TEX29: variants seen among roughly 807,000 people sequenced by gnomAD.
TEX29 encodes the protein testis expressed 29.
Under a neutral mutation model 18.2 loss-of-function variants are expected in TEX29, and 26 were observed. The ratio of observed to expected loss-of-function variants is 1.43; its 90% confidence interval spans 1.04 to 1.98. TEX29 has a LOEUF of 1.98. TEX29 is among the 30% of genes most tolerant of loss of function. The pLI is 0.00. For missense variants in TEX29, 177 were observed against 194.2 expected, an observed-to-expected ratio of 0.91 and a Z score of 0.53; for synonymous variants, 83 against 78.5, an observed-to-expected ratio of 1.06 and a Z score of -0.31.
chr13:111,342,971 G>A (rs1318072951), intron 5 of TEX29, 40 bp downstream of exon 5: 7 of 1,602,832 alleles, frequency 4.4e-6, no homozygotes, highest in Non-Finnish European at 4.3e-6. Flanking sequence ...TAAGGTCAAG[G>A]GCGTGGCTCT....
chr13:111,316,440 T>G (rs2093654860), upstream of TEX29, among the ~76,000 whole-genome samples: 2 of 152,238 alleles, frequency 1.3e-5, no homozygotes. Context: ...AGGAGTTCTG[T>G]GCACTGTGGG....
In TEX29 at chr13:111,323,516, C is replaced by T. The variant is rs567792798; in HGVS notation, c.58+2568C>T. 3.3e-5 allele frequency among the ~76,000 whole-genome samples: 5 copies of T among 152,344 alleles called. No individual in the cohort carries two copies. In the South Asian group the frequency reaches 8.3e-4, roughly 25 times the overall value. On this transcript the variant is annotated intron_variant, in intron 2 of 5. Coordinates refer to ENST00000283547, the MANE Select transcript of TEX29 (RefSeq NM_152324.3). ...TTAAACTGTGACACACTTTCCACAC[C>T]GGTGTGAGTTCTTCTCTGAGTGGCT...
At position 111,342,872 on chromosome 13, in the gene TEX29, C is replaced by T. The variant is rs147238221; in HGVS notation, c.356C>T (p.Ala119Val). ...AGCAGCAAGTTAGGGCTGAAGCCTG[C>T]GAGTCCTGGGCCTCCAAGTGCTGGG... ...SSSSKLGLKP[A>V]SPGPPSAGPS... Residue 119 changes from alanine to valine, a missense_variant, in exon 5 of 6, where the codon GCG (alanine) becomes GTG (valine). Ala to Val is a moderately conservative substitution (Grantham distance 64, BLOSUM62 0). Transcript: ENST00000283547. 1.1e-3 allele frequency: 1,741 copies of T among 1,614,170 alleles called. 13 individuals carry two copies. The Admixed American group carries it at 0.022, about 20-fold the overall frequency.
intron 3 of TEX29, among the ~76,000 whole-genome samples, chr13:111,329,341 A>C (rs2093679165): frequency 6.6e-6 from 1 of 151,330 alleles, no homozygotes; most frequent in Non-Finnish European, 1.5e-5. Flanking sequence ...GTCCTAAGCC[A>C]CTCTTTTCTC....
chr13:111,320,112 C>T (rs1410807374), upstream of TEX29, among the ~76,000 whole-genome samples: 5 of 152,350 alleles, frequency 3.3e-5, no homozygotes, highest in Non-Finnish European at 1.5e-5. Flanking sequence ...CCCTCGTCAG[C>T]CCCAGACACA....
At chr13:111,326,859 T>G (rs1363480285) in intron 2 of TEX29, among the ~76,000 whole-genome samples, 1 of 152,116 alleles carries the variant, frequency 6.6e-6, no homozygotes, top group East Asian at 1.9e-4. Flanking sequence ...CACCCTGGAA[T>G]TGCACTCCAG....
chr13:111,342,177 C>T (rs555498553), intron 4 of TEX29, among the ~76,000 whole-genome samples: 3 of 152,356 alleles, frequency 2.0e-5, no homozygotes, highest in East Asian at 1.9e-4. Context: ...CATGAGCCCA[C>T]TCTGTGTGCA....
At position 111,343,161 on chromosome 13, in the gene TEX29, C is replaced by A. The variant is rs1477243586; in HGVS notation, c.415+230C>A. Among the ~76,000 whole-genome samples the A allele has an allele frequency of 2.0e-5, 3 of 152,360 alleles. No individual in the cohort carries two copies. In the East Asian group the frequency reaches 5.8e-4, roughly 29 times the overall value. On this transcript the variant is annotated intron_variant, in intron 5 of 5. Transcript: ENST00000283547. ...TTCTGTGAGTCTTGTCCTCCCCCTT[C>A]CCATCCCCTTTTGCCTCCCTGTCAT...
chr13:111,320,939 C>T lies in TEX29; in HGVS notation c.49C>T (p.Gln17Ter), dbSNP rs2093663191. ...VKNSPRHLLK[Q>*]FTVCDVPLYD... ...GAACTCTCCGCGGCACCTCCTGAAG[C>T]AATTCACAGGTATGGAGGGAAGGCG... Residue 17 changes from glutamine to a stop codon, truncating the protein, a stop_gained, in exon 2 of 6, where the codon CAA becomes TAA. Coordinates refer to ENST00000283547, the MANE Select transcript of TEX29 (RefSeq NM_152324.3). LOFTEE classifies it high-confidence loss of function. The T allele has an allele frequency of 7.1e-7, 1 of 1,409,018 alleles. No individual in the cohort carries two copies. The allele number at this position is 1,409,018 out of a possible 1,614,324, so 87.3% of individuals were successfully genotyped here. A position where few individuals can be genotyped will look rare whatever the true frequency, so the allele number is the denominator to read the frequency against.
At chr13:111,322,389 G>A (rs887194082) in intron 2 of TEX29, among the ~76,000 whole-genome samples, 3 of 152,218 alleles carry the variant, frequency 2.0e-5, no homozygotes, top group Non-Finnish European at 2.9e-5. Flanking sequence ...GGGAGAAAGC[G>A]CTCCCTCTTC....
chr13:111,328,915 C>T (rs57211214), intron 3 of TEX29, among the ~76,000 whole-genome samples: 13,004 of 152,274 alleles, frequency 0.085, 656 homozygotes, highest in Non-Finnish European at 0.1. Flanking sequence ...CGGAGGGAGG[C>T]GCGCCCTTCA....
At chr13:111,319,739 C>T (rs750895219), upstream of TEX29, among the ~76,000 whole-genome samples, 1 of 152,154 alleles carries the variant, frequency 6.6e-6, no homozygotes, top group Non-Finnish European at 1.5e-5. Flanking sequence ...GCGATCCTCC[C>T]GCCTTGCCCT....
At chr13:111,335,824 T>G (rs565529868) in intron 3 of TEX29, among the ~76,000 whole-genome samples, 71 of 152,302 alleles carry the variant, frequency 4.7e-4, no homozygotes, top group African/African-American at 1.5e-3. Flanking sequence ...AATGCATCAC[T>G]CCAGGAAGAT....
In TEX29 at chr13:111,320,837, TGA is replaced by T. The variant is rs749760520; in HGVS notation, c.-34-19_-34-18del. The T allele has an allele frequency of 6.2e-7, 1 of 1,612,124 alleles. No homozygotes were observed. Among genetic ancestry groups the T allele is most frequent in the Non-Finnish European group, 8.5e-7 (1 of 1,178,760 alleles). Reference sequence around the variant, plus strand: ...GACGTCCCCAGGGCCCCGCCCGTGCTGACCTCTCCTGTTTTCCAGGTGTGCTC... The same window carrying T: ...GACGTCCCCAGGGCCCCGCCCGTGCTCCTCTCCTGTTTTCCAGGTGTGCTC... On this transcript the variant is annotated intron_variant, in intron 1 of 5. Coordinates refer to ENST00000283547, the MANE Select transcript of TEX29 (RefSeq NM_152324.3).
intron 2 of TEX29, among the ~76,000 whole-genome samples, chr13:111,321,561 A>G (rs1018031619): frequency 2.0e-5 from 3 of 152,054 alleles, no homozygotes; most frequent in African/African-American, 7.2e-5. Context: ...CTGCTACTTG[A>G]ATGTTTTTTT....
At chr13:111,330,145 A>C (rs1567161476) in intron 3 of TEX29, among the ~76,000 whole-genome samples, 1 of 152,210 alleles carries the variant, frequency 6.6e-6, no homozygotes, top group Non-Finnish European at 1.5e-5. Flanking sequence ...AAAAGTTTTA[A>C]AACTCATTTT....
At chr13:111,317,588 G>A (rs914051828), upstream of TEX29, among the ~76,000 whole-genome samples, 1 of 152,220 alleles carries the variant, frequency 6.6e-6, no homozygotes, top group African/African-American at 2.4e-5. Context: ...AGATTTGGAA[G>A]TATCTTTGCT....
intron 3 of TEX29, chr13:111,339,502 T>C: frequency 4.9e-6 from 2 of 408,528 alleles, no homozygotes; most frequent in Non-Finnish European, 4.7e-6. Flanking sequence ...CGTCTCTCAA[T>C]GCACCCCCGG....
intron 3 of TEX29, chr13:111,339,413 C>T: frequency 2.2e-6 from 1 of 454,456 alleles, no homozygotes; most frequent in South Asian, 1.6e-5. Flanking sequence ...GAGCCAGCAC[C>T]ATCTATCCTC....
Sources: allele counts gnomAD v4.1 joint callset (sites outside exome capture counted in the v4.1 genomes callset), GRCh38; gene constraint gnomAD v4.1.1; transcripts MANE v1.5; gene names NCBI Gene and HGNC (gene_info 2026-07-23, HGNC 2026-07-21).